Variants in SLC26A5 observed in about 807,000 individuals in gnomAD.
The protein encoded by SLC26A5 is solute carrier family 26 member 5, also known as prestin.
Under a neutral mutation model 81.0 loss-of-function variants are expected in SLC26A5, and 51 were observed. The ratio of observed to expected loss-of-function variants is 0.63; its 90% CI spans 0.50 to 0.80. The LOEUF is 0.80. SLC26A5 is among the 30% of genes least tolerant of loss of function. The pLI, the probability that SLC26A5 is intolerant of heterozygous loss-of-function variation, is 0.00. For missense variants in SLC26A5, 771 were observed against 905.8 expected (o/e 0.85, Z 1.91); for synonymous variants, 325 against 332.8 (o/e 0.98, Z 0.25).
chr7:103,429,256 G>C (rs1745397217), intron 2 of SLC26A5, among the ~76,000 whole-genome samples: 1 of 152,150 alleles, frequency 6.6e-6, no homozygotes, highest in Non-Finnish European at 1.5e-5. Flanking sequence ...GAGTGAGTAA[G>C]GGCATTCATC....
chr7:103,359,742 A>G (rs1586156971), intron 19 of SLC26A5, among the ~76,000 whole-genome samples: 1 of 152,240 alleles, frequency 6.6e-6, no homozygotes, highest in Admixed American at 6.5e-5. Context: ...CTCTTTAGAT[A>G]TGGTTTCCTT....
At position 103,386,422 on chromosome 7, in the gene SLC26A5, C is replaced by T. The variant is rs564615484; in HGVS notation, c.1514+2586G>A. On this transcript the variant is annotated intron_variant, in intron 14 of 19. Transcript: ENST00000306312. ...CTTTACTAAAAATAAAAAAAATTGG[C>T]CGGGCGTGGTGGCACGCGCCTGTAG... Among the ~76,000 whole-genome samples the T allele has an allele frequency of 2.0e-5, 3 of 151,980 alleles. No individual in the cohort carries two copies. In the South Asian group the frequency reaches 6.3e-4, roughly 32 times the overall value.
chr7:103,373,706 G>T (rs901373610), downstream of SLC26A5, among the ~76,000 whole-genome samples: 1 of 152,174 alleles, frequency 6.6e-6, no homozygotes, highest in African/African-American at 2.4e-5. Context: ...AAATGTGCTG[G>T]AATGAGAAAG....
At chr7:103,428,955 C>T (rs893204139) in intron 2 of SLC26A5, among the ~76,000 whole-genome samples, 1 of 152,146 alleles carries the variant, frequency 6.6e-6, no homozygotes, top group Non-Finnish European at 1.5e-5. Context: ...CTCCATCTTG[C>T]ATAATTTTCA....
At chr7:103,407,246 A>T (rs1824129413) in intron 8 of SLC26A5, among the ~76,000 whole-genome samples, 1 of 152,184 alleles carries the variant, frequency 6.6e-6, no homozygotes, top group South Asian at 2.1e-4. Flanking sequence ...GTCCTTTTTG[A>T]TTCAGAGGTT....
At position 103,374,370 on chromosome 7, in the gene SLC26A5, A is replaced by G; in HGVS notation, c.*29T>C. 3 of 1,611,786 alleles carry G rather than the reference A, an allele frequency of 1.9e-6. No homozygotes were observed. Among genetic ancestry groups the G allele is most frequent in the Non-Finnish European group, 2.5e-6 (3 of 1,179,802 alleles). ...AAATTATGAACTTCATGAGAGGCTT[A>G]TAACCCCATCCTAGGGTGAGGTCCT... On this transcript the variant is annotated 3_prime_UTR_variant, in exon 20 of 20. Coordinates refer to ENST00000306312, the MANE Select transcript of SLC26A5 (RefSeq NM_198999.3).
intron 2 of SLC26A5, among the ~76,000 whole-genome samples, chr7:103,434,230 T>C (rs570423870): frequency 3.9e-5 from 6 of 152,374 alleles, no homozygotes; most frequent in Non-Finnish European, 7.3e-5. Flanking sequence ...TCACGCTTGA[T>C]AAGTTACTGA....
chr7:103,433,267 GATTTCTTATT>G (rs1826209603), intron 2 of SLC26A5, among the ~76,000 whole-genome samples: 1 of 152,078 alleles, frequency 6.6e-6, no homozygotes. Context: ...CTGCATGTAG[GATTTCTTATT>G]ATTATTGTTC....
At chr7:103,412,616 C>T (rs576945680) in intron 5 of SLC26A5, among the ~76,000 whole-genome samples, 114 of 135,656 alleles carry the variant, frequency 8.4e-4, no homozygotes, top group African/African-American at 3.1e-3. Flanking sequence ...GTGGTGTGAT[C>T]TCAGCTCACT....
At chr7:103,355,640 A>AT in intron 19 of SLC26A5, 5 of 1,340,362 alleles carry the variant, frequency 3.7e-6, no homozygotes, top group Non-Finnish European at 5.3e-6. Context: ...TAGAAAGCTT[A>AT]TTATAGGGTG....
At chr7:103,381,958 A>G (rs1821833858) in intron 14 of SLC26A5, among the ~76,000 whole-genome samples, 2 of 151,584 alleles carry the variant, frequency 1.3e-5, no homozygotes, top group African/African-American at 4.8e-5. Flanking sequence ...CACATCACGT[A>G]TACCTCACAC....
intron 2 of SLC26A5, among the ~76,000 whole-genome samples, chr7:103,423,717 G>GGT (rs1324742808): frequency 1.3e-5 from 2 of 152,088 alleles, no homozygotes; most frequent in Admixed American, 6.6e-5. Flanking sequence ...CTTACCAGCT[G>GGT]GTGCATTGTT....
At chr7:103,428,722 C>G (rs1201539629) in intron 2 of SLC26A5, among the ~76,000 whole-genome samples, 2 of 152,102 alleles carry the variant, frequency 1.3e-5, no homozygotes, top group African/African-American at 4.8e-5. Flanking sequence ...GCCACTACGC[C>G]TGGCTAATTT....
intron 8 of SLC26A5, among the ~76,000 whole-genome samples, chr7:103,401,905 C>CT (rs1436151632): frequency 6.6e-6 from 1 of 152,192 alleles, no homozygotes; most frequent in African/African-American, 2.4e-5. Flanking sequence ...AGGGATGAAG[C>CT]TGACTTGATC....
chr7:103,410,698 T>C, intron 6 of SLC26A5, 149 bp from the exon 7 acceptor site: 1 of 731,090 alleles, frequency 1.4e-6, no homozygotes, highest in Non-Finnish European at 2.3e-6. Context: ...TGGCACAGTC[T>C]CAGCTCACTG....
At chr7:103,415,359 G>A (rs992382869) in intron 4 of SLC26A5, among the ~76,000 whole-genome samples, 1 of 152,126 alleles carries the variant, frequency 6.6e-6, no homozygotes, top group Non-Finnish European at 1.5e-5. Context: ...CTTCCAACTC[G>A]TTTAGCTGTT....
intron 10 of SLC26A5, 31 bp from the exon 11 acceptor site, chr7:103,391,766 G>T: frequency 6.4e-7 from 1 of 1,563,054 alleles, no homozygotes; most frequent in Non-Finnish European, 8.8e-7. Flanking sequence ...ACACAAAAGA[G>T]ATAGGTCATT....
chr7:103,368,292 C>A (rs539028412), intron 19 of SLC26A5: 81 of 403,666 alleles, frequency 2.0e-4, no homozygotes, highest in African/African-American at 1.5e-3. Context: ...ATACAAAGCG[C>A]TTGCTTAGAT....
intron 19 of SLC26A5, among the ~76,000 whole-genome samples, chr7:103,364,958 C>CACATATATATAT (rs1554575470): frequency 8.0e-6 from 1 of 125,502 alleles, no homozygotes; most frequent in African/African-American, 2.9e-5. Flanking sequence ...TGTAGACATA[C>CACATATATATAT]ATATATATAT....
Sources: allele counts gnomAD v4.1 joint callset (sites outside exome capture counted in the v4.1 genomes callset), GRCh38; gene constraint gnomAD v4.1.1; transcripts MANE v1.5; gene names NCBI Gene and HGNC (gene_info 2026-07-23, HGNC 2026-07-21).